The following CATSPERD variants were observed in gnomAD, a reference collection of about 807,000 sequenced individuals.
The protein encoded by CATSPERD is cation channel sperm-associated auxiliary subunit delta.
CATSPERD carries 86 observed loss-of-function variants against 98.1 expected under a neutral mutation model. That is an observed-to-expected ratio of 0.88 (90% CI 0.74 to 1.05). The LOEUF is 1.05. Among genes scored for constraint, CATSPERD ranks in the 50% least tolerant of loss-of-function variants. The pLI, the probability that CATSPERD is intolerant of heterozygous loss-of-function variation, is 0.00. For synonymous variants in CATSPERD, 394 were observed against 390.2 expected, an observed-to-expected ratio of 1.01 and a Z score of -0.12; for missense variants, 995 against 1,005.7, an observed-to-expected ratio of 0.99 and a Z score of 0.14.
intron 15 of CATSPERD, among the ~76,000 whole-genome samples, chr19:5,762,260 C>T (rs1292281292): frequency 2.7e-5 from 4 of 149,714 alleles, no homozygotes; most frequent in South Asian, 4.2e-4. Context: ...GACAGGGTTT[C>T]GCCATGTTGG....
At chr19:5,770,812 C>A in intron 18 of CATSPERD, 132 bp from the exon 19 acceptor site, 1 of 1,065,732 alleles carries the variant, frequency 9.4e-7, no homozygotes, top group Non-Finnish European at 1.4e-6. Context: ...CTCAATCGCC[C>A]ACCTCAGATG....
chr19:5,732,407 C>G lies in CATSPERD; in HGVS notation c.277-1449C>G, dbSNP rs1328130203. Among the ~76,000 whole-genome samples the G allele has an allele frequency of 5.3e-5, 8 of 151,994 alleles. No homozygotes were observed. The East Asian group carries it at 1.5e-3, about 29-fold the overall frequency. On this transcript the variant is annotated intron_variant, in intron 4 of 21. Transcript: ENST00000381624. ...GTATCTAAGAACCAACCAACTATTG[C>G]TGGCATACATGGTGTTTTTTGTTTG... is the stretch of plus-strand genomic sequence containing the variant.
At position 5,773,968 on chromosome 19, in the gene CATSPERD, CTT is replaced by C. The variant is rs71172771; in HGVS notation, c.1941+1019_1941+1020del. Among the ~76,000 whole-genome samples the C allele has an allele frequency of 3.2e-4, 38 of 120,376 alleles. 1 individual carries two copies. The highest frequency in any genetic ancestry group is 4.8e-4 in the African/African-American group (15 of 31,176). The allele number at this position is 120,376 out of a possible 152,430, so 79.0% of individuals were successfully genotyped here. ...TGTCCTGGCTCTTTTTTTGCATTTGCTTTTTTTTTTTTTTTTTGAGACGGAGC... is the reference window on the plus strand; with the variant it reads ...TGTCCTGGCTCTTTTTTTGCATTTGCTTTTTTTTTTTTTTTGAGACGGAGC... On this transcript the variant is annotated intron_variant, in intron 20 of 21. Coordinates refer to ENST00000381624, the MANE Select transcript of CATSPERD (RefSeq NM_152784.4).
chr19:5,749,547 T>C (rs1475057311), intron 11 of CATSPERD, among the ~76,000 whole-genome samples: 1 of 152,154 alleles, frequency 6.6e-6, no homozygotes, highest in East Asian at 1.9e-4. Flanking sequence ...GAAATCACTC[T>C]AGTTAGTAAA....
chr19:5,778,301 C>T (rs1316265686), intron 21 of CATSPERD, 75 bp from the exon 22 acceptor site: 1 of 1,377,724 alleles, frequency 7.3e-7, no homozygotes, highest in Admixed American at 1.9e-5. Context: ...TGGGTCTGAA[C>T]ACCTTTGCCA....
chr19:5,741,800 G>GGGGGGGGGGGGGGT (rs2055976568), intron 7 of CATSPERD, among the ~76,000 whole-genome samples: 3 of 75,746 alleles, frequency 4.0e-5, no homozygotes, highest in Non-Finnish European at 9.8e-5. Flanking sequence ...GGGGGGGGGT[G>GGGGGGGGGGGGGGT]GTGTGGATCA....
chr19:5,741,987 G>T (rs1051217584), intron 7 of CATSPERD, among the ~76,000 whole-genome samples: 1 of 151,142 alleles, frequency 6.6e-6, no homozygotes, highest in Non-Finnish European at 1.5e-5. Flanking sequence ...AGTAAGCCCA[G>T]ATCGTGCCAC....
Position 5,771,087 on chromosome 19 carries a change from G to T in CATSPERD, c.1763+15G>T, listed in dbSNP as rs2056635174. On this transcript the variant is annotated intron_variant, in intron 19 of 21. Coordinates refer to ENST00000381624, the MANE Select transcript of CATSPERD (RefSeq NM_152784.4). ...GTGGTGGAGCTGTAAGACCCCAGGGGGGTGCTGCAGGGTGGGGACGGTGGC... is the reference window on the plus strand; with the variant it reads ...GTGGTGGAGCTGTAAGACCCCAGGGTGGTGCTGCAGGGTGGGGACGGTGGC... 6.2e-7 allele frequency: 1 copy of T among 1,608,590 alleles called. No homozygotes were observed. Among genetic ancestry groups the T allele is most frequent in the African/African-American group, 1.3e-5 (1 of 74,728 alleles).
At position 5,752,038 on chromosome 19, in the gene CATSPERD, C is replaced by T. The variant is rs1309217104; in HGVS notation, c.1164+215C>T. 3.9e-5 allele frequency among the ~76,000 whole-genome samples: 6 copies of T among 151,916 alleles called. No individual in the cohort carries two copies. In the East Asian group the frequency reaches 7.8e-4, roughly 20 times the overall value. On this transcript the variant is annotated intron_variant, in intron 12 of 21. Coordinates refer to ENST00000381624, the MANE Select transcript of CATSPERD (RefSeq NM_152784.4). The stretch of plus-strand genomic sequence containing the variant: ...TTTAAAGCTGGGCGTTGGCCAGGTA[C>T]GGTGGGAGACTTTGGAGACTGAGTC...
intron 1 of CATSPERD, among the ~76,000 whole-genome samples, chr19:5,724,402 T>C (rs765931768): frequency 1.3e-5 from 2 of 150,590 alleles, no homozygotes; most frequent in Non-Finnish European, 3.0e-5. Context: ...CCGAAAAGCA[T>C]CAGGAACAGA....
At chr19:5,733,561 A>C (rs932234940) in intron 4 of CATSPERD, among the ~76,000 whole-genome samples, 4 of 151,608 alleles carry the variant, frequency 2.6e-5, no homozygotes, top group Non-Finnish European at 5.9e-5. Context: ...GGATCAAGCG[A>C]TTCTCCTGCC....
chr19:5,732,276 G>A (rs188152335), intron 4 of CATSPERD, among the ~76,000 whole-genome samples: 12 of 151,370 alleles, frequency 7.9e-5, no homozygotes, highest in Non-Finnish European at 1.5e-4. Context: ...CAGCTTCAGG[G>A]AAGGTTTTTA....
At position 5,748,260 on chromosome 19, in the gene CATSPERD, G is replaced by T. The variant is rs377253618; in HGVS notation, c.904+5G>T. On this transcript the variant is annotated splice_donor_5th_base_variant and intron_variant, in intron 10 of 21. Transcript: ENST00000381624. ...CCATCCACAACATTGCTGTCAGTGC[G>T]TAGCCGACCCACTGCTAGCCAAGAA... 4 of 1,612,050 alleles carry T rather than the reference G, an allele frequency of 2.5e-6. No individual in the cohort carries two copies. Among genetic ancestry groups the T allele is most frequent in the Non-Finnish European group, 2.5e-6 (3 of 1,178,210 alleles).
At chr19:5,721,305 C>G (rs974865872) in intron 1 of CATSPERD, among the ~76,000 whole-genome samples, 1 of 152,002 alleles carries the variant, frequency 6.6e-6, no homozygotes, top group Non-Finnish European at 1.5e-5. Context: ...CCGGGCCTAG[C>G]CCTCCCACTT....
chr19:5,733,055 G>A (rs996608502), intron 4 of CATSPERD, among the ~76,000 whole-genome samples: 3 of 149,724 alleles, frequency 2.0e-5, no homozygotes, highest in Non-Finnish European at 4.4e-5. Context: ...AAGCTGTAGT[G>A]CAATCTCGGC....
At chr19:5,767,316 CAAAA>C (rs35758861) in intron 17 of CATSPERD, among the ~76,000 whole-genome samples, 2 of 78,576 alleles carry the variant, frequency 2.5e-5, no homozygotes, top group Admixed American at 1.6e-4. Flanking sequence ...GACTCTGTCT[CAAAA>C]AAAAAAAAAA....
chr19:5,770,939 T>G lies in CATSPERD; in HGVS notation c.1635-5T>G, dbSNP rs2056631699. On this transcript the variant is annotated splice_polypyrimidine_tract_variant and splice_region_variant and intron_variant, in intron 18 of 21. Transcript: ENST00000381624. ...TCCCCATCTCTGCTTCTTGGTGTCT[T>G]GAAGGGAATTCTACGACCCCGGCTT... The G allele has an allele frequency of 2.5e-6, 4 of 1,602,108 alleles. No homozygotes were observed. The South Asian group carries it at 4.5e-5, about 18-fold the overall frequency.
At chr19:5,726,605 C>A (rs2055608651) in intron 2 of CATSPERD, among the ~76,000 whole-genome samples, 1 of 152,004 alleles carries the variant, frequency 6.6e-6, no homozygotes, top group African/African-American at 2.4e-5. Flanking sequence ...TGGTCTCGAA[C>A]TCCTGGCCTC....
intron 1 of CATSPERD, among the ~76,000 whole-genome samples, chr19:5,724,450 A>G (rs1277300869): frequency 3.9e-5 from 6 of 152,142 alleles, no homozygotes; most frequent in African/African-American, 1.2e-4. Flanking sequence ...CTGTAATCCC[A>G]ACACTTCGGG....
Sources: gnomAD v4.1 joint callset for allele counts (sites outside exome capture counted in the v4.1 genomes callset) on GRCh38, gnomAD v4.1.1 for gene constraint, MANE v1.5 for transcripts, NCBI Gene and HGNC (gene_info 2026-07-23, HGNC 2026-07-21) for gene names.